The following SLC9B2 variants were observed in gnomAD, a reference collection of about 807,000 sequenced individuals.
SLC9B2 encodes sodium/hydrogen exchanger 9B2.
In SLC9B2, 39 loss-of-function variants were observed where a neutral mutation model predicts 52.2. The observed-to-expected ratio is 0.75, with a 90% CI of 0.58 to 0.98. SLC9B2 has a LOEUF of 0.98. Ranked by LOEUF, SLC9B2 falls within the 50% of genes least tolerant of loss-of-function variation. SLC9B2 has a pLI of 0.00. For synonymous variants in SLC9B2, 214 were observed against 227.0 expected (o/e 0.94, Z 0.51); for missense variants, 626 against 637.5 (o/e 0.98, Z 0.19).
At chr4:103,066,281 T>G (rs1323560144) in intron 3 of SLC9B2, 46 bp downstream of exon 3, 4 of 1,577,216 alleles carry the variant, frequency 2.5e-6, no homozygotes, top group Non-Finnish European at 3.5e-6. Flanking sequence ...AATCTGCCAT[T>G]ATAACAACTT....
intron 3 of SLC9B2, 28 bp downstream of exon 3, chr4:103,066,299 T>C: frequency 6.3e-7 from 1 of 1,589,822 alleles, no homozygotes; most frequent in South Asian, 1.1e-5. Flanking sequence ...CTTCATCTTT[T>C]GCCATCTCTT....
chr4:103,019,846 C>G (rs139362720), downstream of SLC9B2: 2 of 985,800 alleles, frequency 2.0e-6, no homozygotes, highest in Non-Finnish European at 2.4e-6. Flanking sequence ...CTATTGAACC[C>G]TTTCCTTTCG....
intron 9 of SLC9B2, among the ~76,000 whole-genome samples, chr4:103,034,592 A>T (rs573201997): frequency 5.3e-5 from 8 of 152,316 alleles, no homozygotes; most frequent in African/African-American, 1.9e-4. Flanking sequence ...TAAGAAACTC[A>T]AACAAATCAA....
chr4:103,031,684 A>T lies in SLC9B2; in HGVS notation c.1255+16T>A. 6.3e-7 allele frequency: 1 copy of T among 1,599,142 alleles called. No homozygotes were observed. The highest frequency in any genetic ancestry group is 8.5e-7 in the Non-Finnish European group (1 of 1,170,422). On this transcript the variant is annotated intron_variant, in intron 10 of 11. Coordinates refer to ENST00000394785, the MANE Select transcript of SLC9B2 (RefSeq NM_178833.7). ...AAAAAGTGAATTTTAACAAAAGCAC[A>T]TTTTGAAATTCTTACCTACAGTTTC...
intron 3 of SLC9B2, among the ~76,000 whole-genome samples, chr4:103,065,178 A>ACG (rs1345507048): frequency 3.8e-4 from 32 of 83,786 alleles, no homozygotes; most frequent in African/African-American, 1.1e-3. Flanking sequence ...ATGTACACAC[A>ACG]CGCACACACA....
chr4:103,048,227 AT>A (rs1327806290), intron 6 of SLC9B2, among the ~76,000 whole-genome samples: 3 of 152,228 alleles, frequency 2.0e-5, no homozygotes, highest in African/African-American at 7.2e-5. Flanking sequence ...GTATTCACTA[AT>A]TTAATCCTCA....
At chr4:103,049,076 T>A (rs935058091) in intron 5 of SLC9B2, 56 bp from the exon 6 acceptor site, 9 of 1,584,548 alleles carry the variant, frequency 5.7e-6, no homozygotes, top group Non-Finnish European at 6.0e-6. Flanking sequence ...GCAGAGAAGA[T>A]GACCTTGAAT....
At chr4:103,073,647 T>C (rs1051659084) in intron 1 of SLC9B2, among the ~76,000 whole-genome samples, 2 of 152,210 alleles carry the variant, frequency 1.3e-5, no homozygotes, top group Non-Finnish European at 2.9e-5. Context: ...GATTTAGTAA[T>C]TTCATTGACT....
rs72939334 is a variant in SLC9B2, at chr4:103,060,485, T to C, written c.272-2514A>G. On this transcript the variant is annotated intron_variant, in intron 3 of 11. Coordinates refer to ENST00000394785, the MANE Select transcript of SLC9B2 (RefSeq NM_178833.7). ...AAATGTCTTATATTCTGTTTTCTGA[T>C]AATGTACATTTTTGAAATCTGTTTT... Among the ~76,000 whole-genome samples the C allele has an allele frequency of 4.0e-3, 602 of 151,810 alleles. 2 individuals are homozygous for C. The highest frequency in any genetic ancestry group is 0.014 in the African/African-American group (567 of 41,508).
chr4:103,019,790 A>G (rs1741662686), downstream of SLC9B2: 28 of 985,590 alleles, frequency 2.8e-5, no homozygotes, highest in Non-Finnish European at 3.4e-5. Flanking sequence ...GCGCCGGCAG[A>G]GGCGAGGGTT....
downstream of SLC9B2, chr4:103,019,852 T>G: frequency 1.0e-6 from 1 of 985,848 alleles, no homozygotes; most frequent in African/African-American, 1.7e-5. Context: ...AACCCTTTCC[T>G]TTCGACGTCT....
intron 1 of SLC9B2, among the ~76,000 whole-genome samples, chr4:103,075,980 T>C (rs1248461775): frequency 6.6e-6 from 1 of 152,188 alleles, no homozygotes; most frequent in Non-Finnish European, 1.5e-5. Context: ...ACACCCCCTC[T>C]GGTTAATCTG....
rs763817345 is a variant in SLC9B2, at chr4:103,057,794, C to A, written c.442+7G>T. 6.2e-7 allele frequency: 1 copy of A among 1,612,076 alleles called. No homozygotes were observed. The highest frequency in any genetic ancestry group is 1.7e-5 in the Admixed American group (1 of 59,464). On this transcript the variant is annotated splice_region_variant and intron_variant, in intron 4 of 11. Transcript: ENST00000394785. ...TCTGGATAGAACAGGAAACATTTAG[C>A]ACTTACCAAGAAGAGAAGGCAGTGG...
At chr4:103,020,010 A>G (rs1741675427), downstream of SLC9B2, 6 of 806,066 alleles carry the variant, frequency 7.4e-6, no homozygotes, top group Non-Finnish European at 7.5e-6. Context: ...AAGTCAGCTT[A>G]AAGTGCAATG....
intron 9 of SLC9B2, among the ~76,000 whole-genome samples, chr4:103,040,002 C>A (rs1170062648): frequency 1.3e-5 from 2 of 151,930 alleles, no homozygotes; most frequent in African/African-American, 4.8e-5. Context: ...TTATTTTTGA[C>A]CTTCGCAATA....
intron 7 of SLC9B2, among the ~76,000 whole-genome samples, chr4:103,046,283 A>G (rs78756218): frequency 0.021 from 3,123 of 152,328 alleles, 102 homozygotes; most frequent in African/African-American, 0.069. Context: ...TTTATATCCC[A>G]ATTTTGAACA....
chr4:103,055,511 T>C (rs549288395), intron 4 of SLC9B2, among the ~76,000 whole-genome samples: 1 of 152,286 alleles, frequency 6.6e-6, no homozygotes, highest in East Asian at 1.9e-4. Flanking sequence ...AAATTAGAAA[T>C]ACATTGAGAA....
intron 3 of SLC9B2, among the ~76,000 whole-genome samples, chr4:103,063,782 C>G: frequency 6.6e-6 from 1 of 152,120 alleles, no homozygotes; most frequent in East Asian, 1.9e-4. Flanking sequence ...AGAGCAGTTG[C>G]AAACTATGTA....
chr4:103,048,947 G>A lies in SLC9B2; in HGVS notation c.659C>T (p.Ala220Val), dbSNP rs1247005897. 6.2e-7 allele frequency: 1 copy of A among 1,613,954 alleles called. No individual in the cohort carries two copies. Among genetic ancestry groups the A allele is most frequent in the East Asian group, 2.2e-5 (1 of 44,870 alleles). ...ACCCAGCAGGTAATGGGCAAGAAGA[G>A]CAGATGTGCACGCCTCCACAATACA... ...GPCIVEACTS[A>V]LLAHYLLGLP... Residue 220 changes from alanine (A) to valine (V), a missense_variant, in exon 6 of 12, where the codon GCT (alanine) becomes GTT (valine). Coordinates refer to ENST00000394785, the MANE Select transcript of SLC9B2 (RefSeq NM_178833.7).
Sources: allele counts gnomAD v4.1 joint callset (sites outside exome capture counted in the v4.1 genomes callset), GRCh38; gene constraint gnomAD v4.1.1; transcripts MANE v1.5; gene names NCBI Gene and HGNC (gene_info 2026-07-23, HGNC 2026-07-21).